Variants in GYS2 observed in about 807,000 individuals in gnomAD.
The protein encoded by GYS2 is glycogen [starch] synthase, liver.
Under a neutral mutation model 85.6 loss-of-function variants are expected in GYS2, and 80 were observed. The observed-to-expected ratio is 0.93, with a 90% CI of 0.78 to 1.13. The LOEUF is 1.13. GYS2 is among the 50% of genes most tolerant of loss of function. GYS2 has a pLI of 0.00. For missense variants in GYS2, 881 were observed against 854.9 expected, an observed-to-expected ratio of 1.03 and a Z score of -0.38; for synonymous variants, 328 against 300.7, an observed-to-expected ratio of 1.09 and a Z score of -0.94.
At position 21,559,116 on chromosome 12, in the gene GYS2, A is replaced by G; in HGVS notation, c.1283T>C (p.Met428Thr). 1 of 1,608,154 alleles carries G rather than the reference A, an allele frequency of 6.2e-7. No individual in the cohort carries two copies. The change falls in exon 10 of 16, where the codon ATG becomes ACG. Residue 428 changes from methionine to threonine, a missense_variant. Coordinates refer to ENST00000261195, the MANE Select transcript of GYS2 (RefSeq NM_021957.4). Reference sequence around the variant, plus strand: ...CTGAGTTGAAAAGATGGCTCTTTTCATAATTGTTAGATCATCTCGATCTAA... The same window carrying G: ...CTGAGTTGAAAAGATGGCTCTTTTCGTAATTGTTAGATCATCTCGATCTAA... Reference protein sequence around the residue: ...DILDRDDLTIMKRAIFSTQRQ... With the variant: ...DILDRDDLTITKRAIFSTQRQ...
In GYS2 at chr12:21,574,155, G is replaced by A; in HGVS notation, c.667C>T (p.His223Tyr). The change falls in exon 4 of 16, where the codon CAT becomes TAT. Residue 223 changes from histidine to tyrosine, a missense_variant. By Grantham distance (83) the His-to-Tyr change is moderately conservative. Coordinates refer to ENST00000261195, the MANE Select transcript of GYS2 (RefSeq NM_021957.4). ...LCAANIDFYN[H>Y]LDKFNIDKEA... Reference sequence around the variant, plus strand: ...GAAGGAATATTTACCTTATCAAGATGGTTGTAGAAATCAATATTTGCTGCA... The same window carrying A: ...GAAGGAATATTTACCTTATCAAGATAGTTGTAGAAATCAATATTTGCTGCA... 1 of 1,609,906 alleles carries A rather than the reference G, an allele frequency of 6.2e-7. No homozygotes were observed. Among genetic ancestry groups the A allele is most frequent in the Non-Finnish European group, 8.5e-7 (1 of 1,176,166 alleles).
At chr12:21,567,868 T>C (rs1591795414) in intron 5 of GYS2, among the ~76,000 whole-genome samples, 1 of 150,466 alleles carries the variant, frequency 6.6e-6, no homozygotes, top group Non-Finnish European at 1.5e-5. Context: ...AGGTCAGGAG[T>C]TCAAGACCAG....
At chr12:21,542,096 G>T (rs1472051937) in intron 13 of GYS2, among the ~76,000 whole-genome samples, 1 of 151,908 alleles carries the variant, frequency 6.6e-6, no homozygotes, top group East Asian at 1.9e-4. Flanking sequence ...CACCCAGGCA[G>T]GTGTGCAGTG....
downstream of GYS2, among the ~76,000 whole-genome samples, chr12:21,534,547 AAG>A (rs1484387323): frequency 1.3e-5 from 2 of 150,582 alleles, no homozygotes; most frequent in East Asian, 3.9e-4. Flanking sequence ...GAAAGAAATA[AAG>A]AGAGAAAGGA....
chr12:21,575,009 T>A (rs1381501715), intron 3 of GYS2, among the ~76,000 whole-genome samples: 3 of 152,108 alleles, frequency 2.0e-5, no homozygotes, highest in African/African-American at 7.2e-5. Flanking sequence ...AAGCATACAA[T>A]GATTTTCATG....
At chr12:21,600,421 C>T (rs1944742864) in intron 1 of GYS2, among the ~76,000 whole-genome samples, 1 of 152,060 alleles carries the variant, frequency 6.6e-6, no homozygotes, top group East Asian at 1.9e-4. Context: ...AATCACCATG[C>T]TGGGCCTTGA....
downstream of GYS2, among the ~76,000 whole-genome samples, chr12:21,533,531 A>G (rs560907584): frequency 4.1e-4 from 62 of 152,280 alleles, no homozygotes; most frequent in African/African-American, 1.5e-3. Flanking sequence ...GATCCTCACA[A>G]CAACTGTGTG....
At chr12:21,572,168 T>G (rs1779666164) in intron 4 of GYS2, among the ~76,000 whole-genome samples, 1 of 152,206 alleles carries the variant, frequency 6.6e-6, no homozygotes, top group African/African-American at 2.4e-5. Context: ...ATGGTTAAAA[T>G]CTTATTTTAA....
At position 21,560,451 on chromosome 12, in the gene GYS2, C is replaced by G; in HGVS notation, c.1104G>C (p.Met368Ile). 1 of 1,608,492 alleles carries G rather than the reference C, an allele frequency of 6.2e-7. No homozygotes were observed. The highest frequency in any genetic ancestry group is 8.5e-7 in the Non-Finnish European group (1 of 1,175,016). ...SDITVMVFFI[M>I]PAKTNNFNVE... ...CGTTGAAATTATTTGTCTTGGCAGGCATAATGAAAAACACCATCACTGTGA... is the reference window on the plus strand; with the variant it reads ...CGTTGAAATTATTTGTCTTGGCAGGGATAATGAAAAACACCATCACTGTGA... Residue 368 changes from methionine to isoleucine, a missense_variant, in exon 8 of 16, where the codon ATG becomes ATC. Coordinates refer to ENST00000261195, the MANE Select transcript of GYS2 (RefSeq NM_021957.4).
intron 4 of GYS2, among the ~76,000 whole-genome samples, chr12:21,573,458 C>A (rs998288623): frequency 2.0e-5 from 3 of 152,130 alleles, no homozygotes; most frequent in Admixed American, 2.0e-4. Flanking sequence ...AAAATATATA[C>A]TTTCATTAAT....
intron 1 of GYS2, among the ~76,000 whole-genome samples, chr12:21,599,288 T>C (rs576134061): frequency 9.7e-4 from 148 of 152,300 alleles, no homozygotes; most frequent in Non-Finnish European, 1.7e-3. Context: ...GAAGTCATTA[T>C]ACACTTAGAA....
rs115027048 is a variant in GYS2 at position 21,548,434 on chromosome 12, C to G, written c.1423-1964G>C. 8.9e-3 allele frequency among the ~76,000 whole-genome samples: 1,349 copies of G among 152,212 alleles called. 18 individuals are homozygous for G. Among genetic ancestry groups the G allele is most frequent in the African/African-American group, 0.031 (1,281 of 41,536 alleles). On this transcript the variant is annotated intron_variant, in intron 11 of 15. Coordinates refer to ENST00000261195, the MANE Select transcript of GYS2 (RefSeq NM_021957.4). ...ATTTGCACCACGAAGATCTGACAGA[C>G]ATAGAGTCTCAACTGCATAGGTCAT...
chr12:21,597,774 A>G (rs1304931867), intron 1 of GYS2, among the ~76,000 whole-genome samples: 1 of 152,204 alleles, frequency 6.6e-6, no homozygotes, highest in Non-Finnish European at 1.5e-5. Context: ...CACGATTCAC[A>G]TTAGCAAAGA....
chr12:21,576,927 G>A (rs1012467998), intron 2 of GYS2, among the ~76,000 whole-genome samples: 2 of 152,140 alleles, frequency 1.3e-5, no homozygotes, highest in African/African-American at 4.8e-5. Context: ...GAGGCTACGA[G>A]TCTTTCTCAA....
intron 1 of GYS2, among the ~76,000 whole-genome samples, chr12:21,587,283 C>G (rs1944584866): frequency 6.6e-6 from 1 of 152,134 alleles, no homozygotes; most frequent in South Asian, 2.1e-4. Context: ...TCAGACTTCA[C>G]CACTATGCAA....
rs1329527631 is a variant in GYS2, at chr12:21,568,884, A to G, written c.804T>C (p.His268=). ...AATTACCAGGCTTTCTCTTCAGCATATGTTCAGCTTCTATTGCTGTTATTT... is the reference window on the plus strand; with the variant it reads ...AATTACCAGGCTTTCTCTTCAGCATGTGTTCAGCTTCTATTGCTGTTATTT... ...VSEITAIEAE[H]MLKRKPDVVT... is the part of the protein sequence containing the mutation. Residue 268 remains histidine, a synonymous_variant, in exon 5 of 16, where the codon CAT becomes CAC. Transcript: ENST00000261195. 3 of 1,613,460 alleles carry G rather than the reference A, an allele frequency of 1.9e-6. No homozygotes were observed. The highest frequency in any genetic ancestry group is 2.2e-5 in the South Asian group (2 of 91,078).
intron 2 of GYS2, among the ~76,000 whole-genome samples, chr12:21,577,316 T>C (rs1944457774): frequency 6.6e-6 from 1 of 152,202 alleles, no homozygotes; most frequent in Non-Finnish European, 1.5e-5. Flanking sequence ...CTGCCTAATA[T>C]GTGCCACATG....
chr12:21,589,437 A>T (rs1944610122), intron 1 of GYS2, among the ~76,000 whole-genome samples: 1 of 152,218 alleles, frequency 6.6e-6, no homozygotes, highest in African/African-American at 2.4e-5. Context: ...AGCTTAAAAA[A>T]TTTCAAGGGA....
chr12:21,537,091 C>CA lies in GYS2; in HGVS notation c.1974dup (p.Val659CysfsTer4), dbSNP rs1181756742. 4 of 1,613,874 alleles carry CA rather than the reference C, an allele frequency of 2.5e-6. No individual in the cohort carries two copies. Among genetic ancestry groups the CA allele is most frequent in the Admixed American group, 3.3e-5 (2 of 59,992 alleles). On this transcript the variant is annotated frameshift_variant, in exon 16 of 16. Transcript: ENST00000261195. LOFTEE classifies it high-confidence loss of function. ...CTCTCATCCTCCACTTCATCTTCCA[C>CA]ATCACTGCTCTGAGGACTGGAGGCC...
Sources: allele counts gnomAD v4.1 joint callset (sites outside exome capture counted in the v4.1 genomes callset), GRCh38; gene constraint gnomAD v4.1.1; transcripts MANE v1.5; gene names NCBI Gene and HGNC (gene_info 2026-07-23, HGNC 2026-07-21).